The following ST6GALNAC3 variants were observed in gnomAD, a reference collection of about 807,000 sequenced individuals.
ST6GALNAC3 encodes ST6 N-acetylgalactosaminide alpha-2,6-sialyltransferase 3.
In ST6GALNAC3, 25 loss-of-function variants were observed where a neutral mutation model predicts 32.7. The ratio of observed to expected loss-of-function variants is 0.76; its 90% CI spans 0.56 to 1.07. The LOEUF is 1.07. Among genes scored for constraint, ST6GALNAC3 ranks in the 50% least tolerant of loss-of-function variants. The pLI is 0.00. For synonymous variants in ST6GALNAC3, 129 were observed against 133.1 expected (o/e 0.97, Z 0.21); for missense variants, 355 against 382.4 (o/e 0.93, Z 0.60).
In ST6GALNAC3 at chr1:76,627,546, G is replaced by A. The variant is rs1200873447; in HGVS notation, c.718G>A (p.Asp240Asn). 1 of 1,611,512 alleles carries A rather than the reference G, an allele frequency of 6.2e-7. No homozygotes were observed. Among genetic ancestry groups the A allele is most frequent in the Admixed American group, 1.7e-5 (1 of 59,928 alleles). The change falls in exon 4 of 5, where the codon GAC becomes AAC. Residue 240 changes from aspartate (D) to asparagine (N), a missense_variant. Physicochemically the swap from Asp to Asn is conservative, Grantham distance 23. Coordinates refer to ENST00000328299, the MANE Select transcript of ST6GALNAC3 (RefSeq NM_152996.4). ...YGIHVYGMINDTYCKTEGYRK... is the reference protein window; with the variant it reads ...YGIHVYGMINNTYCKTEGYRK... ...CATTCACGTCTACGGGATGATAAAT[G>A]ACACCTACTGCAAGTAAGATCACAA...
intron 1 of ST6GALNAC3, among the ~76,000 whole-genome samples, chr1:76,127,470 G>T (rs571192836): frequency 6.6e-6 from 1 of 152,214 alleles, no homozygotes; most frequent in South Asian, 2.1e-4. Context: ...TAAAGTGAAG[G>T]TTCTGTCTTT....
At chr1:76,204,294 G>A (rs1654700112) in intron 1 of ST6GALNAC3, among the ~76,000 whole-genome samples, 1 of 152,090 alleles carries the variant, frequency 6.6e-6, no homozygotes, top group Non-Finnish European at 1.5e-5. Context: ...TCCATTGATG[G>A]GCACTTAGGT....
At chr1:76,109,833 T>G (rs78004354) in intron 1 of ST6GALNAC3, among the ~76,000 whole-genome samples, 3,910 of 152,320 alleles carry the variant, frequency 0.026, 122 homozygotes, top group Admixed American at 0.073. Context: ...TACCTGAGCA[T>G]TAGTCTTGGG....
chr1:76,550,746 T>TTTTTG (rs1226862753), intron 3 of ST6GALNAC3, among the ~76,000 whole-genome samples: 2 of 152,066 alleles, frequency 1.3e-5, no homozygotes, highest in African/African-American at 2.4e-5. Flanking sequence ...TTTTGCCTGT[T>TTTTTG]TTTTGTTTTG....
chr1:76,081,231 A>G (rs529500743), intron 1 of ST6GALNAC3, among the ~76,000 whole-genome samples: 1 of 151,782 alleles, frequency 6.6e-6, no homozygotes, highest in South Asian at 2.1e-4. Flanking sequence ...CATTGGAAGA[A>G]GAATTGTCTG....
In ST6GALNAC3 at chr1:76,306,039, T is replaced by C. The variant is rs552963285; in HGVS notation, c.19-7766T>C. On this transcript the variant is annotated intron_variant, in intron 1 of 4. Transcript: ENST00000328299. ...TACCAGCCTTAGGTAGATTTTGTAA[T>C]GCAGTTTGTCAGTAACCAAAATACC... 471 of 400,328 alleles carry C rather than the reference T, an allele frequency of 1.2e-3. 10 individuals are homozygous for C. The highest frequency in any genetic ancestry group is 9.2e-3 in the South Asian group (457 of 49,790). 24.8% of individuals were successfully genotyped at this position (400,328 alleles called of 1,614,324 possible). A position where few individuals can be genotyped will look rare whatever the true frequency, so the allele number is the denominator to read the frequency against.
intron 2 of ST6GALNAC3, among the ~76,000 whole-genome samples, chr1:76,341,674 T>TTCCTTCC (rs1648033065): frequency 2.3e-5 from 3 of 132,158 alleles, no homozygotes; most frequent in African/African-American, 8.6e-5. Flanking sequence ...TCTTTCTTTC[T>TTCCTTCC]TTCTTTCCTT....
intron 3 of ST6GALNAC3, among the ~76,000 whole-genome samples, chr1:76,465,962 C>T (rs866433484): frequency 3.9e-5 from 6 of 152,002 alleles, no homozygotes; most frequent in African/African-American, 9.7e-5. Context: ...AATTTTTCAT[C>T]GCAAGTTAAA....
intron 2 of ST6GALNAC3, among the ~76,000 whole-genome samples, chr1:76,326,332 G>A (rs1157218059): frequency 6.6e-6 from 1 of 152,158 alleles, no homozygotes; most frequent in Non-Finnish European, 1.5e-5. Flanking sequence ...GAAGGGGGGA[G>A]TAAAGTGCAC....
intron 1 of ST6GALNAC3, among the ~76,000 whole-genome samples, chr1:76,120,252 T>C (rs1648783654): frequency 6.6e-6 from 1 of 152,176 alleles, no homozygotes; most frequent in Non-Finnish European, 1.5e-5. Flanking sequence ...GAGGGTGGGA[T>C]TTTCCTTACA....
intron 2 of ST6GALNAC3, among the ~76,000 whole-genome samples, chr1:76,388,726 T>C (rs1204490103): frequency 1.3e-5 from 2 of 152,194 alleles, no homozygotes; most frequent in African/African-American, 2.4e-5. Context: ...TCTAGCTCTG[T>C]GGTTTATCTT....
chr1:76,500,791 A>G (rs1433654711), intron 3 of ST6GALNAC3, among the ~76,000 whole-genome samples: 1 of 152,232 alleles, frequency 6.6e-6, no homozygotes, highest in Non-Finnish European at 1.5e-5. Context: ...TAATTTTAGC[A>G]GAGTAACCTC....
At position 76,412,121 on chromosome 1, in the gene ST6GALNAC3, T is replaced by C. The variant is rs1265535580; in HGVS notation, c.327T>C (p.Asn109=). Reference sequence around the variant, plus strand: ...CCTCCTGCATTTGGAGAATGAACAATGCCCCCACCAAAGGTTATGAAGAAG... The same window carrying C: ...CCTCCTGCATTTGGAGAATGAACAACGCCCCCACCAAAGGTTATGAAGAAG... ...DRSSCIWRMN[N]APTKGYEEDV... Residue 109 remains asparagine, a synonymous_variant, in exon 3 of 5, where the codon AAT becomes AAC. Coordinates refer to ENST00000328299, the MANE Select transcript of ST6GALNAC3 (RefSeq NM_152996.4). The C allele has an allele frequency of 8.7e-6, 14 of 1,613,608 alleles. No homozygotes were observed. Among genetic ancestry groups the C allele is most frequent in the African/African-American group, 1.3e-5 (1 of 74,866 alleles).
intron 2 of ST6GALNAC3, among the ~76,000 whole-genome samples, chr1:76,365,837 A>G (rs1650323454): frequency 6.6e-6 from 1 of 152,174 alleles, no homozygotes; most frequent in African/African-American, 2.4e-5. Context: ...ACTCATGGTT[A>G]TAGTTTTTGT....
At chr1:76,401,393 T>C (rs1339645778) in intron 2 of ST6GALNAC3, among the ~76,000 whole-genome samples, 1 of 152,172 alleles carries the variant, frequency 6.6e-6, no homozygotes, top group Non-Finnish European at 1.5e-5. Flanking sequence ...TCACTTTTTA[T>C]AGTTTTCATT....
intron 1 of ST6GALNAC3, among the ~76,000 whole-genome samples, chr1:76,281,716 G>A (rs1243140234): frequency 6.6e-6 from 1 of 152,168 alleles, no homozygotes; most frequent in Non-Finnish European, 1.5e-5. Context: ...TCAAGTGTTT[G>A]GTCCTTGGGA....
Position 76,607,999 on chromosome 1 carries a change from A to C in ST6GALNAC3, c.624-19453A>C, listed in dbSNP as rs990373548. Among the ~76,000 whole-genome samples the C allele has an allele frequency of 2.6e-5, 4 of 152,320 alleles. No homozygotes were observed. The South Asian group carries it at 8.3e-4, about 32-fold the overall frequency. ...TCTTTTAAACTACTGAGATGAGCCA[A>C]TCAGTCCACACAAACGGAAGTTTTC... is the stretch of plus-strand genomic sequence containing the variant. On this transcript the variant is annotated intron_variant, in intron 3 of 4. Transcript: ENST00000328299.
At chr1:76,418,167 A>G (rs2101352233) in intron 3 of ST6GALNAC3, among the ~76,000 whole-genome samples, 1 of 152,182 alleles carries the variant, frequency 6.6e-6, no homozygotes, top group Non-Finnish European at 1.5e-5. Context: ...AGGTTTTGCT[A>G]TTTCAGCTTG....
At chr1:76,588,514 C>T (rs1345354584) in intron 3 of ST6GALNAC3, among the ~76,000 whole-genome samples, 1 of 152,208 alleles carries the variant, frequency 6.6e-6, no homozygotes, top group Non-Finnish European at 1.5e-5. Flanking sequence ...GGACAGGATA[C>T]TGTAAATCAG....
Sources: allele counts gnomAD v4.1 joint callset (sites outside exome capture counted in the v4.1 genomes callset), GRCh38; gene constraint gnomAD v4.1.1; transcripts MANE v1.5; gene names NCBI Gene and HGNC (gene_info 2026-07-23, HGNC 2026-07-21).